The following CPVL variants were observed in gnomAD, a reference collection of about 807,000 sequenced individuals.
CPVL encodes probable serine carboxypeptidase CPVL.
Under a neutral mutation model 63.7 loss-of-function variants are expected in CPVL, and 51 were observed. The ratio of observed to expected loss-of-function variants is 0.80; its 90% confidence interval spans 0.64 to 1.01. The LOEUF is 1.01. Ranked by LOEUF, CPVL falls within the 50% of genes least tolerant of loss-of-function variation. CPVL has a pLI of 0.00. For synonymous variants in CPVL, 195 were observed against 206.0 expected (o/e 0.95, Z 0.46); for missense variants, 530 against 573.1 (o/e 0.92, Z 0.77).
intron 7 of CPVL, among the ~76,000 whole-genome samples, chr7:29,079,581 T>A (rs540248467): frequency 6.6e-6 from 1 of 152,198 alleles, no homozygotes; most frequent in Non-Finnish European, 1.5e-5. Flanking sequence ...ATACAGTCCA[T>A]TCTCAATAAA....
chr7:29,193,675 G>A (rs1486128017), intron 1 of CPVL: 2 of 152,162 alleles, frequency 1.3e-5, no homozygotes, highest in African/African-American at 2.4e-5. Context: ...TAAATACAGG[G>A]GGAAGGGACA....
At chr7:29,115,997 G>C (rs886592155) in intron 2 of CPVL, among the ~76,000 whole-genome samples, 1 of 152,176 alleles carries the variant, frequency 6.6e-6, no homozygotes, top group African/African-American at 2.4e-5. Flanking sequence ...CCTAGGTCAG[G>C]AGGTTGGAAA....
At chr7:29,137,672 G>T (rs1264798983) in intron 1 of CPVL, among the ~76,000 whole-genome samples, 5 of 152,072 alleles carry the variant, frequency 3.3e-5, no homozygotes, top group Non-Finnish European at 7.3e-5. Context: ...AAAATGATTT[G>T]GGGTCTGCTT....
At chr7:29,125,581 CG>C in intron 1 of CPVL, among the ~76,000 whole-genome samples, 1 of 151,754 alleles carries the variant, frequency 6.6e-6, no homozygotes, top group Non-Finnish European at 1.5e-5. Context: ...TTAGTAGAGG[CG>C]GGGTTTCACC....
At chr7:29,080,708 C>T (rs561628246) in intron 7 of CPVL, among the ~76,000 whole-genome samples, 2 of 152,186 alleles carry the variant, frequency 1.3e-5, no homozygotes, top group African/African-American at 2.4e-5. Context: ...ACATGGCTCT[C>T]GCATACTGGG....
In CPVL at chr7:29,072,374, A is replaced by C; in HGVS notation, c.659T>G (p.Leu220Arg). 1 of 1,614,106 alleles carries C rather than the reference A, an allele frequency of 6.2e-7. No individual in the cohort carries two copies. Among genetic ancestry groups the C allele is most frequent in the Non-Finnish European group, 8.5e-7 (1 of 1,179,952 alleles). Reference protein sequence around the residue: ...VPAIAHLIHSLNPVREVKINL... With the variant: ...VPAIAHLIHSRNPVREVKINL... ...GATCTTCACCTCTCTCACAGGGTTGAGGGAATGGATGAGGTGTGCAATGGC... is the reference window on the plus strand; with the variant it reads ...GATCTTCACCTCTCTCACAGGGTTGCGGGAATGGATGAGGTGTGCAATGGC... The change falls in exon 8 of 13, where the codon CTC becomes CGC. Residue 220 changes from leucine to arginine, a missense_variant. Coordinates refer to ENST00000265394, the MANE Select transcript of CPVL (RefSeq NM_031311.5).
At position 29,030,894 on chromosome 7, in the gene CPVL, A is replaced by G. The variant is rs192748156; in HGVS notation, c.1138-135T>C. 8.0e-6 allele frequency: 6 copies of G among 753,510 alleles called. No individual in the cohort carries two copies. In the East Asian group the frequency reaches 1.3e-4, roughly 17 times the overall value. 46.7% of individuals were successfully genotyped at this position (753,510 alleles called of 1,614,324 possible). On this transcript the variant is annotated intron_variant, in intron 11 of 12. Transcript: ENST00000265394. ...CTCTGAGATTTTCTTCTAGTTAGCC[A>G]TAAAGAATAACAATCCGAAATAAAC...
chr7:29,166,148 A>G (rs1166477211), intron 5 of CPVL, among the ~76,000 whole-genome samples: 1 of 151,672 alleles, frequency 6.6e-6, no homozygotes, highest in Non-Finnish European at 1.5e-5. Flanking sequence ...CTCCTGCCTC[A>G]CCCTCCCAAG....
chr7:29,071,120 A>C (rs1445002242), intron 9 of CPVL, among the ~76,000 whole-genome samples: 1 of 151,794 alleles, frequency 6.6e-6, no homozygotes, highest in Non-Finnish European at 1.5e-5. Flanking sequence ...AAAAAAAAAC[A>C]AAAAAAACCC....
chr7:29,056,986 T>G (rs1293262485), intron 11 of CPVL, among the ~76,000 whole-genome samples: 3 of 145,330 alleles, frequency 2.1e-5, no homozygotes, highest in Non-Finnish European at 3.0e-5. Flanking sequence ...GGTCTCACTC[T>G]GTTGCCTAGG....
At chr7:29,160,373 C>T (rs1247150400) in intron 5 of CPVL, among the ~76,000 whole-genome samples, 1 of 152,210 alleles carries the variant, frequency 6.6e-6, no homozygotes, top group African/African-American at 2.4e-5. Context: ...GACAACGTTA[C>T]TGGCTTATCC....
At chr7:29,018,891 C>T (rs903483445) in intron 12 of CPVL, among the ~76,000 whole-genome samples, 3 of 152,174 alleles carry the variant, frequency 2.0e-5, no homozygotes, top group Non-Finnish European at 4.4e-5. Flanking sequence ...GAGGACTCAA[C>T]TTCTGGGACC....
At chr7:29,091,307 A>AG (rs1562764175) in intron 6 of CPVL, among the ~76,000 whole-genome samples, 1 of 150,778 alleles carries the variant, frequency 6.6e-6, no homozygotes, top group Non-Finnish European at 1.5e-5. Context: ...TCTGTCTTAG[A>AG]GGGGGCCCGA....
intron 5 of CPVL, among the ~76,000 whole-genome samples, chr7:29,169,860 A>ATG (rs1796374041): frequency 7.1e-6 from 1 of 140,610 alleles, no homozygotes; most frequent in Non-Finnish European, 1.5e-5. Context: ...AAGTATATAT[A>ATG]CGTGTGTGTG....
exon 1 of CPVL, chr7:29,195,165 A>G: frequency 5.3e-6 from 3 of 561,754 alleles, no homozygotes; most frequent in Non-Finnish European, 8.8e-6. Flanking sequence ...TGCCCAGAGC[A>G]CCTCCGCGCC....
At chr7:29,059,656 C>T (rs1482539379) in intron 11 of CPVL, among the ~76,000 whole-genome samples, 5 of 152,126 alleles carry the variant, frequency 3.3e-5, no homozygotes, top group Non-Finnish European at 2.9e-5. Flanking sequence ...TTGATAAAAA[C>T]ACTCAACAGT....
At chr7:29,040,638 A>G (rs915185877) in intron 11 of CPVL, among the ~76,000 whole-genome samples, 5 of 152,190 alleles carry the variant, frequency 3.3e-5, no homozygotes, top group African/African-American at 1.2e-4. Context: ...TTTAAGGAAA[A>G]GGGAAGACAA....
intron 9 of CPVL, among the ~76,000 whole-genome samples, chr7:29,071,513 C>A (rs994678008): frequency 6.6e-6 from 1 of 152,152 alleles, no homozygotes; most frequent in African/African-American, 2.4e-5. Flanking sequence ...GAAATCAAAA[C>A]GGTTAATGAA....
chr7:29,164,161 C>A (rs1795577093), intron 5 of CPVL, among the ~76,000 whole-genome samples: 1 of 152,212 alleles, frequency 6.6e-6, no homozygotes, highest in African/African-American at 2.4e-5. Context: ...TCCTTCCCAA[C>A]ACTTATTGTG....
Sources: allele counts gnomAD v4.1 joint callset (sites outside exome capture counted in the v4.1 genomes callset), GRCh38; gene constraint gnomAD v4.1.1; transcripts MANE v1.5; gene names NCBI Gene and HGNC (gene_info 2026-07-23, HGNC 2026-07-21).